ZNF423: variants seen among roughly 807,000 people sequenced by gnomAD.
The protein encoded by ZNF423 is zinc finger protein 423.
ZNF423 carries 12 observed loss-of-function variants against 95.8 expected under a neutral mutation model. The ratio of observed to expected loss-of-function variants is 0.13; its 90% CI spans 0.08 to 0.20. ZNF423 has a LOEUF of 0.20. Ranked by LOEUF, ZNF423 falls within the 10% of genes least tolerant of loss-of-function variation. ZNF423 has a pLI of 1.00. For missense variants in ZNF423, 1,316 were observed against 1,737.1 expected (o/e 0.76, Z 4.31); for synonymous variants, 749 against 711.9 (o/e 1.05, Z -0.83).
intron 2 of ZNF423, among the ~76,000 whole-genome samples, chr16:49,772,780 C>T (rs1018854381): frequency 4.6e-5 from 7 of 152,190 alleles, no homozygotes; most frequent in Admixed American, 1.3e-4. Context: ...GAGACCAACA[C>T]CCGAGGGAAC....
At position 49,844,390 on chromosome 16, in the gene ZNF423, CGATAA is replaced by C. The variant is rs535033786; in HGVS notation, c.40+11340_40+11344del. Among the ~76,000 whole-genome samples the C allele has an allele frequency of 2.1e-4, 32 of 152,294 alleles. No individual in the cohort carries two copies. The East Asian group carries it at 5.6e-3, about 27-fold the overall frequency. On this transcript the variant is annotated intron_variant, in intron 1 of 7. Coordinates refer to ENST00000563137, the MANE Select transcript of ZNF423 (RefSeq NM_001379286.1). ...AACACAATCCATGACACAAAGCCCTCGATAAACAGCAGCTGCAATCTCACAGCACA... is the reference window on the plus strand; with the variant it reads ...AACACAATCCATGACACAAAGCCCTCACAGCAGCTGCAATCTCACAGCACA...
chr16:49,714,669 C>G lies in ZNF423; in HGVS notation c.301+16102G>C, dbSNP rs909643390. On this transcript the variant is annotated intron_variant, in intron 3 of 7. Transcript: ENST00000563137. ...TGAGGCCGGGTGCAATGGCTCACAC[C>G]TGTAATCCCAACACTTTGGGAGGCT... Among the ~76,000 whole-genome samples, 3 of 151,478 alleles carry G rather than the reference C, an allele frequency of 2.0e-5. No homozygotes were observed. The East Asian group carries it at 5.8e-4, about 29-fold the overall frequency.
chr16:49,564,477 C>T (rs968546592), intron 5 of ZNF423, among the ~76,000 whole-genome samples: 8 of 152,172 alleles, frequency 5.3e-5, no homozygotes, highest in African/African-American at 1.9e-4. Flanking sequence ...CTGCCAAGAG[C>T]CTTTCTCAAC....
At chr16:49,583,016 C>A (rs1017462701) in intron 5 of ZNF423, among the ~76,000 whole-genome samples, 3 of 152,294 alleles carry the variant, frequency 2.0e-5, no homozygotes, top group Admixed American at 2.0e-4. Flanking sequence ...CTCTTAGCGA[C>A]CTACTCAAAA....
chr16:49,643,501 A>AC (rs1354298009), intron 3 of ZNF423, among the ~76,000 whole-genome samples: 6 of 145,920 alleles, frequency 4.1e-5, no homozygotes, highest in East Asian at 2.2e-4. Context: ...CAGGATGTGA[A>AC]CCCCCCCTTA....
intron 5 of ZNF423, among the ~76,000 whole-genome samples, chr16:49,617,843 C>T (rs909111243): frequency 1.3e-5 from 2 of 152,160 alleles, no homozygotes; most frequent in Non-Finnish European, 2.9e-5. Context: ...CCACTTGTTG[C>T]TGAGCCACAC....
chr16:49,728,437 C>T (rs981302949), intron 3 of ZNF423, among the ~76,000 whole-genome samples: 2 of 152,182 alleles, frequency 1.3e-5, no homozygotes, highest in Non-Finnish European at 2.9e-5. Context: ...GTATTCCTAG[C>T]TCCTGCGTCC....
At chr16:49,640,184 G>A (rs556935691) in intron 3 of ZNF423, among the ~76,000 whole-genome samples, 3 of 152,208 alleles carry the variant, frequency 2.0e-5, no homozygotes, top group South Asian at 4.1e-4. Context: ...TAACCCAGAC[G>A]TAACCTTGGC....
chr16:49,511,134 A>G (rs966500835), intron 7 of ZNF423, among the ~76,000 whole-genome samples: 3 of 152,212 alleles, frequency 2.0e-5, no homozygotes, highest in Non-Finnish European at 4.4e-5. Flanking sequence ...ACAGCTGGAC[A>G]CAGACTTCTG....
intron 5 of ZNF423, among the ~76,000 whole-genome samples, chr16:49,564,030 G>C (rs761956860): frequency 2.0e-5 from 3 of 152,314 alleles, no homozygotes; most frequent in South Asian, 4.1e-4. Flanking sequence ...GCCTAGGTTT[G>C]TGTTTCCTTG....
At chr16:49,840,235 G>C (rs2035168687) in intron 1 of ZNF423, among the ~76,000 whole-genome samples, 2 of 152,090 alleles carry the variant, frequency 1.3e-5, no homozygotes, top group Non-Finnish European at 2.9e-5. Flanking sequence ...GCATTTTAAG[G>C]GCTCCGAGAA....
chr16:49,709,402 A>G (rs1373843685), intron 3 of ZNF423, among the ~76,000 whole-genome samples: 1 of 151,786 alleles, frequency 6.6e-6, no homozygotes, highest in Non-Finnish European at 1.5e-5. Flanking sequence ...AGTGCCCGAG[A>G]GGCTGCCTTT....
At chr16:49,798,845 A>C (rs1037416744) in intron 1 of ZNF423, among the ~76,000 whole-genome samples, 8 of 152,306 alleles carry the variant, frequency 5.3e-5, no homozygotes, top group African/African-American at 1.9e-4. Flanking sequence ...GAGGGGCTAA[A>C]AGCCTAAACC....
At chr16:49,553,934 T>C (rs1463336856) in intron 5 of ZNF423, among the ~76,000 whole-genome samples, 2 of 152,146 alleles carry the variant, frequency 1.3e-5, no homozygotes, top group African/African-American at 4.8e-5. Flanking sequence ...CCAAACAAAT[T>C]TGCCAAGTTA....
intron 3 of ZNF423, among the ~76,000 whole-genome samples, chr16:49,668,127 G>A (rs2030630156): frequency 6.6e-6 from 1 of 152,128 alleles, no homozygotes; most frequent in South Asian, 2.1e-4. Flanking sequence ...AAGAGCCTCA[G>A]ACCACCCAAC....
chr16:49,651,353 A>G (rs1973394779), intron 3 of ZNF423, among the ~76,000 whole-genome samples: 1 of 152,064 alleles, frequency 6.6e-6, no homozygotes, highest in Non-Finnish European at 1.5e-5. Flanking sequence ...GAAGGAGAAG[A>G]AGGCCTGGGA....
At chr16:49,596,343 T>C (rs977985222) in intron 5 of ZNF423, among the ~76,000 whole-genome samples, 2 of 152,140 alleles carry the variant, frequency 1.3e-5, no homozygotes, top group South Asian at 2.1e-4. Context: ...ACGTCAGCCC[T>C]GGACAGCCGG....
intron 2 of ZNF423, among the ~76,000 whole-genome samples, chr16:49,770,733 G>T (rs549199743): frequency 6.6e-6 from 1 of 152,186 alleles, no homozygotes; most frequent in South Asian, 2.1e-4. Context: ...GACAAAGTGC[G>T]GGCCTACAAG....
intron 5 of ZNF423, among the ~76,000 whole-genome samples, chr16:49,611,899 C>A (rs2151845141): frequency 6.6e-6 from 1 of 152,068 alleles, no homozygotes; most frequent in African/African-American, 2.4e-5. Context: ...ATGAAATGAT[C>A]TGATTTCTCA....
Sources: allele counts gnomAD v4.1 joint callset (sites outside exome capture counted in the v4.1 genomes callset), GRCh38; gene constraint gnomAD v4.1.1; transcripts MANE v1.5; gene names NCBI Gene and HGNC (gene_info 2026-07-23, HGNC 2026-07-21).